MBP: variants seen among roughly 807,000 people sequenced by gnomAD.
MBP encodes the protein myelin basic protein.
MBP carries 16 observed loss-of-function variants against 35.8 expected under a neutral mutation model. That is an observed-to-expected ratio of 0.45 (90% confidence interval 0.30 to 0.68). The LOEUF is 0.68. Ranked by LOEUF, MBP falls within the 30% of genes least tolerant of loss-of-function variation. The probability of loss-of-function intolerance (pLI) is 0.08; values close to 1 mark genes in which losing one functional copy is unlikely to be tolerated. For synonymous variants in MBP, 143 were observed against 159.6 expected, an observed-to-expected ratio of 0.90 and a Z score of 0.78; for missense variants, 380 against 404.7, an observed-to-expected ratio of 0.94 and a Z score of 0.52.
At position 77,044,103 on chromosome 18, in the gene MBP, C is replaced by T. The variant is rs1360058985; in HGVS notation, c.139+22195G>A. 1.3e-5 allele frequency among the ~76,000 whole-genome samples: 2 copies of T among 152,130 alleles called. No homozygotes were observed. Among genetic ancestry groups the T allele is most frequent in the Non-Finnish European group, 2.9e-5 (2 of 68,034 alleles). ...TGAGTTCCTCCTGCTGACCACCTCC[C>T]CCGATGCCCTCCACGCTGCACACTG... On this transcript the variant is annotated intron_variant, in intron 3 of 8. Transcript: ENST00000355994. The surrounding 1 kb of genome is among the most constrained non-coding windows in gnomAD (Gnocchi z 4.4).
At position 77,016,976 on chromosome 18, in the gene MBP, G is replaced by A. The variant is rs11559012; in HGVS notation, c.432C>T (p.His144=). The change falls in exon 4 of 9, where the codon CAC becomes CAT. Residue 144 remains histidine (H), a synonymous_variant. Coordinates refer to ENST00000355994, the MANE Select transcript of MBP (RefSeq NM_001025101.2). ...MASQKRPSQR[H]GSKYLATAST... is the part of the protein sequence containing the mutation. ...TTGCTGTGGCCAGGTACTTGGATCC[G>A]TGCCTCTGGGAGGGTCTCTTCTGTG... 6 of 1,614,114 alleles carry A rather than the reference G, an allele frequency of 3.7e-6. No individual in the cohort carries two copies. The highest frequency in any genetic ancestry group is 1.1e-5 in the South Asian group (1 of 91,066).
intron 3 of MBP, among the ~76,000 whole-genome samples, chr18:77,026,424 G>C (rs1259424133): frequency 6.6e-6 from 1 of 152,142 alleles, no homozygotes; most frequent in East Asian, 1.9e-4. Flanking sequence ...ACATAACGCA[G>C]AAATCACCTT....
At chr18:77,121,198 A>G (rs1261562318) in intron 1 of MBP, among the ~76,000 whole-genome samples, 2 of 151,938 alleles carry the variant, frequency 1.3e-5, no homozygotes, top group African/African-American at 4.8e-5. Context: ...GGTCCCAGCT[A>G]CTCAGGGAGA....
At chr18:77,006,791 G>A (rs1206662062) in intron 4 of MBP, 5 of 152,398 alleles carry the variant, frequency 3.3e-5, no homozygotes, top group Middle Eastern at 3.4e-3. Flanking sequence ...ACCGCAGCAC[G>A]GGAGCCAGGC....
intron 2 of MBP, among the ~76,000 whole-genome samples, chr18:77,078,106 T>A (rs1000510792): frequency 6.6e-6 from 1 of 152,218 alleles, no homozygotes; most frequent in Non-Finnish European, 1.5e-5. Flanking sequence ...CAGTGGAAGA[T>A]GCATTTTCAT....
chr18:77,128,730 G>A (rs1172179989), intron 1 of MBP, among the ~76,000 whole-genome samples: 1 of 152,072 alleles, frequency 6.6e-6, no homozygotes. Flanking sequence ...CTCAAAACAG[G>A]GTTTTACTAC....
chr18:77,055,501 TTTCCTTTCTTTCC>T (rs2144725709), intron 3 of MBP, among the ~76,000 whole-genome samples: 1 of 152,304 alleles, frequency 6.6e-6, no homozygotes, highest in East Asian at 1.9e-4. Flanking sequence ...CAGTTTTCTT[TTTCCTTTCTTTCC>T]TTCCTTTCCT....
chr18:77,013,060 G>A (rs1276043825), intron 4 of MBP: 6 of 985,328 alleles, frequency 6.1e-6, no homozygotes, highest in African/African-American at 3.5e-5. Context: ...TGAGCAGCTG[G>A]TGACTGAGCC....
rs892471575 is a variant in MBP at position 76,987,766 on chromosome 18, G to A, written c.750+729C>T. On this transcript the variant is annotated intron_variant, in intron 7 of 8. Coordinates refer to ENST00000355994, the MANE Select transcript of MBP (RefSeq NM_001025101.2). ...TTTTATACAGTAAGAATCATATCTG[G>A]TATTTGCTAGTAACTAAAGTCTGTA... 14 of 1,010,210 alleles carry A rather than the reference G, an allele frequency of 1.4e-5. No homozygotes were observed. The African/African-American group carries it at 1.4e-4, about 10-fold the overall frequency. 62.6% of individuals were successfully genotyped at this position (1,010,210 alleles called of 1,614,324 possible). A position where few individuals can be genotyped will look rare whatever the true frequency, so the allele number is the denominator to read the frequency against.
chr18:77,058,336 C>T (rs1973825480), intron 3 of MBP, among the ~76,000 whole-genome samples: 1 of 152,204 alleles, frequency 6.6e-6, no homozygotes, highest in African/African-American at 2.4e-5. Context: ...GGGACCCCTG[C>T]TCCACGCTGC....
intron 1 of MBP, among the ~76,000 whole-genome samples, chr18:77,106,737 T>C (rs986358211): frequency 1.3e-5 from 2 of 152,194 alleles, no homozygotes; most frequent in African/African-American, 4.8e-5. Context: ...CCATGCTTCA[T>C]GGCATGAGAG....
chr18:76,982,096 A>G (rs953524260), intron 8 of MBP: 5 of 152,350 alleles, frequency 3.3e-5, no homozygotes, highest in African/African-American at 1.2e-4. Flanking sequence ...CTGACCATGC[A>G]GGAAACCCGT....
At chr18:76,985,522 G>A in intron 7 of MBP, 1 of 1,157,864 alleles carries the variant, frequency 8.6e-7, no homozygotes, top group Non-Finnish European at 1.1e-6. Context: ...TCTCTCCCAG[G>A]GTGAGCAGGA....
At chr18:76,985,799 A>G in intron 7 of MBP, 1 of 989,890 alleles carries the variant, frequency 1.0e-6, no homozygotes, top group Non-Finnish European at 1.2e-6. Flanking sequence ...CAAGCCGTTC[A>G]TGGAGATGCC....
chr18:76,990,078 G>A lies in MBP; in HGVS notation c.577-18C>T, dbSNP rs745603795. On this transcript the variant is annotated intron_variant, in intron 4 of 8. Transcript: ENST00000355994. The stretch of plus-strand genomic sequence containing the variant: ...TGTGAGTCCTGAAACACAGAGGCGC[G>A]GTGACCTCAGGACAAGTCCACAGTC... The A allele has an allele frequency of 5.8e-6, 9 of 1,563,068 alleles. No homozygotes were observed. Among genetic ancestry groups the A allele is most frequent in the South Asian group, 2.3e-5 (2 of 88,110 alleles).
intron 4 of MBP, chr18:77,013,580 CT>C: frequency 1.0e-6 from 1 of 985,394 alleles, no homozygotes; most frequent in Non-Finnish European, 1.2e-6. Context: ...ACAAACAGTT[CT>C]TCTCCATACA....
chr18:77,083,348 A>C (rs1050582747), intron 2 of MBP, among the ~76,000 whole-genome samples: 4 of 152,232 alleles, frequency 2.6e-5, no homozygotes, highest in African/African-American at 9.6e-5. Context: ...GAGGAAAATT[A>C]CAACGACGTC....
intron 2 of MBP, among the ~76,000 whole-genome samples, chr18:77,087,975 G>A (rs1034240743): frequency 6.6e-6 from 1 of 152,060 alleles, no homozygotes; most frequent in Admixed American, 6.5e-5. Flanking sequence ...AGGGGAGCGG[G>A]AGGAGCAGGC....
rs199736436 is a variant in MBP, at chr18:76,992,663, G to C, written c.577-2603C>G. Among the ~76,000 whole-genome samples, 31 of 152,280 alleles carry C rather than the reference G, an allele frequency of 2.0e-4. No homozygotes were observed. The East Asian group carries it at 5.6e-3, about 28-fold the overall frequency. On this transcript the variant is annotated intron_variant, in intron 4 of 8. Coordinates refer to ENST00000355994, the MANE Select transcript of MBP (RefSeq NM_001025101.2). ...CAGCACCCAGAGCAGAGCAAGCTTC[G>C]GGAAACAGAAGCAACATGGATGTCC...
Sources: gnomAD v4.1 joint callset for allele counts (sites outside exome capture counted in the v4.1 genomes callset) on GRCh38, gnomAD v4.1.1 for gene constraint, Gnocchi (gnomAD v3.1) non-coding constraint, MANE v1.5 for transcripts, NCBI Gene and HGNC (gene_info 2026-07-23, HGNC 2026-07-21) for gene names.